CABLES1: variants seen among roughly 807,000 people sequenced by gnomAD.
CABLES1 encodes the protein Cdk5 and Abl enzyme substrate 1.
Under a neutral mutation model 57.8 loss-of-function variants are expected in CABLES1, and 36 were observed. The observed-to-expected ratio is 0.62, with a 90% confidence interval of 0.48 to 0.82. The LOEUF (loss-of-function observed/expected upper bound fraction) is 0.82. Ranked by LOEUF, CABLES1 falls within the 40% of genes least tolerant of loss-of-function variation. The pLI is 0.00. For missense variants in CABLES1, 767 were observed against 836.6 expected (o/e 0.92, Z 1.03); for synonymous variants, 374 against 363.0 (o/e 1.03, Z -0.35).
At chr18:23,191,223 T>C (rs1337542261) in intron 2 of CABLES1, among the ~76,000 whole-genome samples, 1 of 152,130 alleles carries the variant, frequency 6.6e-6, no homozygotes, top group East Asian at 1.9e-4. Context: ...CACTCTAGCC[T>C]GGAGTTTCTT....
At chr18:23,246,530 T>C (rs575941963) in intron 7 of CABLES1, among the ~76,000 whole-genome samples, 16 of 152,092 alleles carry the variant, frequency 1.1e-4, no homozygotes, top group Admixed American at 4.6e-4. Flanking sequence ...TAGCTGGGAC[T>C]ACAGGCACCC....
intron 3 of CABLES1, among the ~76,000 whole-genome samples, chr18:23,202,420 G>T (rs565237711): frequency 6.6e-6 from 1 of 152,200 alleles, no homozygotes. Flanking sequence ...TCTGGAACGG[G>T]CCTTTGAACC....
intron 4 of CABLES1, among the ~76,000 whole-genome samples, chr18:23,232,721 G>A (rs552099857): frequency 6.6e-6 from 1 of 152,144 alleles, no homozygotes; most frequent in Non-Finnish European, 1.5e-5. Context: ...CTCCCAGGAA[G>A]CCTGCTGTGG....
intron 7 of CABLES1, among the ~76,000 whole-genome samples, chr18:23,248,749 C>T (rs570825860): frequency 1.3e-5 from 2 of 152,202 alleles, no homozygotes; most frequent in East Asian, 1.9e-4. Context: ...CGCTTGAACC[C>T]AGGAGGCAGG....
intron 1 of CABLES1, among the ~76,000 whole-genome samples, chr18:23,149,404 C>T (rs2144958801): frequency 6.6e-6 from 1 of 152,216 alleles, no homozygotes; most frequent in Middle Eastern, 3.4e-3. Flanking sequence ...ACCTCAGCCT[C>T]CTCAGTACTT....
chr18:23,149,392 C>A (rs895154648), intron 1 of CABLES1, among the ~76,000 whole-genome samples: 3 of 152,144 alleles, frequency 2.0e-5, no homozygotes, highest in African/African-American at 7.2e-5. Context: ...AGCCACCTTC[C>A]CACCTCAGCC....
chr18:23,168,666 TGCGTCCCAGGCTAGG>T (rs2047060270), intron 1 of CABLES1, among the ~76,000 whole-genome samples: 1 of 152,234 alleles, frequency 6.6e-6, no homozygotes, highest in Non-Finnish European at 1.5e-5. Context: ...GGAGCAAAGC[TGCGTCCCAGGCTAGG>T]GTGGACGTGG....
At chr18:23,203,740 C>T (rs1391713888) in intron 3 of CABLES1, among the ~76,000 whole-genome samples, 3 of 152,144 alleles carry the variant, frequency 2.0e-5, no homozygotes, top group Non-Finnish European at 4.4e-5. Flanking sequence ...CCCGGACTGG[C>T]CTTTTTGAAA....
intron 1 of CABLES1, among the ~76,000 whole-genome samples, chr18:23,161,729 T>G (rs2047005745): frequency 7.9e-6 from 1 of 126,818 alleles, no homozygotes; most frequent in South Asian, 2.5e-4. Context: ...GCTAACATGG[T>G]GAAACCCCGT....
At chr18:23,163,448 C>G (rs1186358436) in intron 1 of CABLES1, among the ~76,000 whole-genome samples, 1 of 152,036 alleles carries the variant, frequency 6.6e-6, no homozygotes, top group Non-Finnish European at 1.5e-5. Flanking sequence ...TCTTCCGTAT[C>G]GAGAGGTTGA....
intron 4 of CABLES1, among the ~76,000 whole-genome samples, chr18:23,217,046 C>A (rs974035289): frequency 3.9e-5 from 6 of 152,032 alleles, no homozygotes; most frequent in Non-Finnish European, 8.8e-5. Flanking sequence ...GATGAGGAAA[C>A]CAAGGTGCAC....
intron 1 of CABLES1, among the ~76,000 whole-genome samples, chr18:23,161,991 C>T (rs2047008688): frequency 6.6e-6 from 1 of 151,638 alleles, no homozygotes; most frequent in South Asian, 2.1e-4. Flanking sequence ...CATGGCGAAG[C>T]CCTGTCTCTA....
At chr18:23,250,881 T>C (rs1209562289) in intron 7 of CABLES1, among the ~76,000 whole-genome samples, 3 of 152,234 alleles carry the variant, frequency 2.0e-5, no homozygotes, top group African/African-American at 7.2e-5. Context: ...TTTGCCTTTA[T>C]TCACCAGAGA....
chr18:23,215,109 A>G (rs565933506), intron 4 of CABLES1, among the ~76,000 whole-genome samples: 273 of 152,326 alleles, frequency 1.8e-3, no homozygotes, highest in Middle Eastern at 6.8e-3. Flanking sequence ...TTTGTTAGGC[A>G]CACACTTTGA....
At chr18:23,221,712 A>G (rs939822540) in intron 4 of CABLES1, among the ~76,000 whole-genome samples, 1 of 152,188 alleles carries the variant, frequency 6.6e-6, no homozygotes, top group African/African-American at 2.4e-5. Flanking sequence ...CAGGTTTCCC[A>G]TGAGTGCTTC....
Position 23,151,164 on chromosome 18 carries a change from A to G in CABLES1, c.845+14557A>G, listed in dbSNP as rs550557187. ...CTCCCGAGTAGCTGGGACTACAGGCACCCGCCACCACGCCCGGCTAATTTT... is the reference window on the plus strand; with the variant it reads ...CTCCCGAGTAGCTGGGACTACAGGCGCCCGCCACCACGCCCGGCTAATTTT... On this transcript the variant is annotated intron_variant, in intron 1 of 9. Coordinates refer to ENST00000256925, the MANE Select transcript of CABLES1 (RefSeq NM_001100619.3). 7.0e-3 allele frequency among the ~76,000 whole-genome samples: 1,058 copies of G among 151,226 alleles called. 8 individuals are homozygous for G. Among genetic ancestry groups the G allele is most frequent in the African/African-American group, 0.023 (933 of 41,164 alleles).
chr18:23,234,110 C>T (rs1051964118), intron 4 of CABLES1, among the ~76,000 whole-genome samples: 14 of 152,136 alleles, frequency 9.2e-5, no homozygotes, highest in African/African-American at 3.1e-4. Flanking sequence ...CCCAGCTACT[C>T]AGGAGGCTGA....
intron 1 of CABLES1, among the ~76,000 whole-genome samples, chr18:23,177,486 C>T (rs113423107): frequency 6.8e-4 from 103 of 152,248 alleles, no homozygotes; most frequent in African/African-American, 2.4e-3. Context: ...GCCCCAGCCC[C>T]GCCGGTCTAT....
intron 7 of CABLES1, among the ~76,000 whole-genome samples, chr18:23,252,229 T>C (rs1485103580): frequency 6.6e-6 from 1 of 151,746 alleles, no homozygotes; most frequent in Non-Finnish European, 1.5e-5. Context: ...GGATGGGGAG[T>C]TGGCATTTAA....
Sources: gnomAD v4.1 joint callset for allele counts (sites outside exome capture counted in the v4.1 genomes callset) on GRCh38, gnomAD v4.1.1 for gene constraint, MANE v1.5 for transcripts, NCBI Gene and HGNC (gene_info 2026-07-23, HGNC 2026-07-21) for gene names.